SLC30A4: variants seen among roughly 807,000 people sequenced by gnomAD.
The protein encoded by SLC30A4 is probable proton-coupled zinc antiporter SLC30A4.
Under a neutral mutation model 41.7 loss-of-function variants are expected in SLC30A4, and 20 were observed. The observed-to-expected ratio is 0.48, with a 90% CI of 0.34 to 0.70. SLC30A4 has a LOEUF of 0.70. Among genes scored for constraint, SLC30A4 ranks in the 30% least tolerant of loss-of-function variants. SLC30A4 has a pLI of 0.01. For missense variants in SLC30A4, 441 were observed against 529.3 expected, an observed-to-expected ratio of 0.83 and a Z score of 1.64; for synonymous variants, 181 against 195.9, an observed-to-expected ratio of 0.92 and a Z score of 0.64.
intron 2 of SLC30A4, among the ~76,000 whole-genome samples, chr15:45,512,184 T>A (rs1231522216): frequency 6.6e-6 from 1 of 152,210 alleles, no homozygotes; most frequent in Non-Finnish European, 1.5e-5. Context: ...TGTGTCTGTA[T>A]TGTCCCATAA....
intron 3 of SLC30A4, among the ~76,000 whole-genome samples, chr15:45,507,547 G>A (rs1892188573): frequency 6.7e-6 from 1 of 148,228 alleles, no homozygotes; most frequent in Non-Finnish European, 1.5e-5. Flanking sequence ...GAGTGCAGTG[G>A]CTTGATCTTG....
intron 2 of SLC30A4, chr15:45,519,805 C>T (rs1892607605): frequency 6.6e-6 from 1 of 152,104 alleles, no homozygotes; most frequent in East Asian, 1.9e-4. Flanking sequence ...AGGGGGGATG[C>T]TGTGATTGTT....
chr15:45,494,891 G>GCT (rs1271123610), intron 3 of SLC30A4, among the ~76,000 whole-genome samples: 1 of 152,030 alleles, frequency 6.6e-6, no homozygotes, highest in Non-Finnish European at 1.5e-5. Flanking sequence ...GCACGTGGTG[G>GCT]CTCACACCTG....
At chr15:45,490,937 T>C in intron 3 of SLC30A4, 56 bp from the exon 4 acceptor site, 1 of 1,166,308 alleles carries the variant, frequency 8.6e-7, no homozygotes, top group Non-Finnish European at 1.2e-6. Flanking sequence ...CTACACTTCA[T>C]ACCAACTAAA....
chr15:45,496,873 A>ATAAG (rs1364273474), intron 3 of SLC30A4, among the ~76,000 whole-genome samples: 1 of 150,076 alleles, frequency 6.7e-6, no homozygotes, highest in Non-Finnish European at 1.5e-5. Flanking sequence ...AAATAAATAA[A>ATAAG]TAAAATAAAT....
intron 3 of SLC30A4, among the ~76,000 whole-genome samples, chr15:45,495,470 C>A (rs1426750043): frequency 1.3e-5 from 2 of 152,174 alleles, no homozygotes; most frequent in Non-Finnish European, 2.9e-5. Context: ...GTATTTCAGA[C>A]AACAAATAAT....
chr15:45,513,805 C>T (rs1452340459), intron 2 of SLC30A4: 1 of 152,170 alleles, frequency 6.6e-6, no homozygotes, highest in Non-Finnish European at 1.5e-5. Flanking sequence ...ATGCCCCATT[C>T]CCAGAGAACT....
chr15:45,483,257 T>C lies in SLC30A4; in HGVS notation c.*1906A>G, dbSNP rs1241489595. The C allele has an allele frequency of 6.6e-6, 1 of 152,212 alleles. No homozygotes were observed. The highest frequency in any genetic ancestry group is 2.4e-5 in the African/African-American group (1 of 41,440). The allele number at this position is 152,212 out of a possible 1,614,324, so 9.4% of individuals were successfully genotyped here. On this transcript the variant is annotated 3_prime_UTR_variant, in exon 8 of 8. Transcript: ENST00000261867. ...TAAGAAGATAAAATGTTTCCTATTCTTCATTTATATTGTAAGTCATCTGCA... is the reference window on the plus strand; with the variant it reads ...TAAGAAGATAAAATGTTTCCTATTCCTCATTTATATTGTAAGTCATCTGCA...
Position 45,485,133 on chromosome 15 carries a change from A to C in SLC30A4, c.*30T>G. The C allele has an allele frequency of 6.3e-7, 1 of 1,587,458 alleles. No individual in the cohort carries two copies. The highest frequency in any genetic ancestry group is 8.6e-7 in the Non-Finnish European group (1 of 1,163,372). ...TCTCAAGTCTGTGACTGCAGGATAA[A>C]TAAGGCAGGAGTTCCCAAAATACAT... is the stretch of plus-strand genomic sequence containing the variant. On this transcript the variant is annotated 3_prime_UTR_variant, in exon 8 of 8. Transcript: ENST00000261867.
Position 45,480,508 on chromosome 15 carries a change from A to G in SLC30A4, c.*4655T>C, listed in dbSNP as rs1891587235. On this transcript the variant is annotated 3_prime_UTR_variant, in exon 8 of 8. Transcript: ENST00000261867. Reference sequence around the variant, plus strand: ...GACTTGCCTCCCCTCAACATAGCATATAGTGATGGGTGTTCATTTATGACA... The same window carrying G: ...GACTTGCCTCCCCTCAACATAGCATGTAGTGATGGGTGTTCATTTATGACA... The G allele has an allele frequency of 1.3e-5, 2 of 152,244 alleles. No individual in the cohort carries two copies. The highest frequency in any genetic ancestry group is 2.9e-5 in the Non-Finnish European group (2 of 68,042). 9.4% of individuals were successfully genotyped at this position (152,244 alleles called of 1,614,324 possible). A position where few individuals can be genotyped will look rare whatever the true frequency, so the allele number is the denominator to read the frequency against.
chr15:45,514,622 C>T (rs1595531644), intron 2 of SLC30A4, among the ~76,000 whole-genome samples: 1 of 148,034 alleles, frequency 6.8e-6, no homozygotes, highest in Admixed American at 6.9e-5. Context: ...TCAAGCAATT[C>T]TCCTGCCTCA....
Position 45,499,551 on chromosome 15 carries a change from C to CAGAAGGAT in SLC30A4, c.539-8678_539-8671dup, listed in dbSNP as rs530244569. On this transcript the variant is annotated intron_variant, in intron 3 of 7. Coordinates refer to ENST00000261867, the MANE Select transcript of SLC30A4 (RefSeq NM_013309.6). ...TAGTCAATTACTTTCACCAGAAGGA[C>CAGAAGGAT]AGAAGGATAGAAGGATAGAGGCAGA... Among the ~76,000 whole-genome samples the CAGAAGGAT allele has an allele frequency of 6.8e-4, 103 of 152,242 alleles. 4 individuals are homozygous for CAGAAGGAT. The East Asian group carries it at 0.019, about 28-fold the overall frequency.
At chr15:45,517,730 C>T (rs1259096688) in intron 2 of SLC30A4, among the ~76,000 whole-genome samples, 2 of 151,904 alleles carry the variant, frequency 1.3e-5, no homozygotes, top group African/African-American at 2.4e-5. Context: ...GGACAGATCA[C>T]GAGGTCAGGA....
intron 3 of SLC30A4, among the ~76,000 whole-genome samples, chr15:45,499,294 AATCTCCTGACCTCGTG>A (rs2140828065): frequency 6.6e-6 from 1 of 151,584 alleles, no homozygotes; most frequent in Admixed American, 6.6e-5. Flanking sequence ...GGATGGTCTC[AATCTCCTGACCTCGTG>A]ATCTGCCCGC....
rs1380040597 is a variant in SLC30A4 at position 45,522,254 on chromosome 15, T to C, written c.101A>G (p.Glu34Gly). Reference protein sequence around the residue: ...NDTSAFDFSDEAGDEGLSRFN... With the variant: ...NDTSAFDFSDGAGDEGLSRFN... ...CCGAGAAAGCCCCTCGTCCCCCGCC[T>C]CATCCGAGAAGTCAAAGGCGCTGGT... Residue 34 changes from glutamate (E) to glycine (G), a missense_variant, in exon 2 of 8, where the codon GAG (glutamate) becomes GGG (glycine). By Grantham distance (98) the Glu-to-Gly change is moderately conservative. Around this residue, in one of 3 missense-constraint regions of SLC30A4, gnomAD observed 312 missense variants for 341.9 expected, o/e 0.91. Coordinates refer to ENST00000261867, the MANE Select transcript of SLC30A4 (RefSeq NM_013309.6). 2 of 1,613,928 alleles carry C rather than the reference T, an allele frequency of 1.2e-6. No homozygotes were observed. Among genetic ancestry groups the C allele is most frequent in the African/African-American group, 2.7e-5 (2 of 74,872 alleles).
At chr15:45,506,456 T>C (rs1252938971) in intron 3 of SLC30A4, among the ~76,000 whole-genome samples, 1 of 152,158 alleles carries the variant, frequency 6.6e-6, no homozygotes, top group African/African-American at 2.4e-5. Flanking sequence ...CCTACTTAAG[T>C]GTGTCCAAAT....
At position 45,517,345 on chromosome 15, in the gene SLC30A4, CT is replaced by C. The variant is rs1166130286; in HGVS notation, c.391+4618del. Among the ~76,000 whole-genome samples the C allele has an allele frequency of 8.6e-3, 563 of 65,606 alleles. 2 individuals are homozygous for C. The highest frequency in any genetic ancestry group is 0.03 in the African/African-American group (477 of 16,056). The allele number at this position is 65,606 out of a possible 152,430, so 43.0% of individuals were successfully genotyped here. On this transcript the variant is annotated intron_variant, in intron 2 of 7. Transcript: ENST00000261867. ...CCAAGAATATACCCTCCAATCCATT[CT>C]TTTTTTTTTTTTTTTTTTTTTTTTG... is the stretch of plus-strand genomic sequence containing the variant.
Position 45,521,988 on chromosome 15 carries a change from G to T in SLC30A4, c.367C>A (p.Leu123Ile). The T allele has an allele frequency of 6.2e-7, 1 of 1,613,950 alleles. No homozygotes were observed. Reference protein sequence around the residue: ...RLTIAAVLYLLFMIGELVGGY... With the variant: ...RLTIAAVLYLIFMIGELVGGY... ...CCTACAAGTTCTCCAATCATGAAAA[G>T]CAAGTACAGAACGGCAGCAATGGTC... The change falls in exon 2 of 8, where the codon CTT becomes ATT. Residue 123 changes from leucine (L) to isoleucine (I), a missense_variant. Physicochemically the swap from Leu to Ile is conservative, Grantham distance 5 (BLOSUM62 2). This residue lies in a region of SLC30A4 where 312 missense variants were observed against 341.9 expected (regional missense o/e 0.91). Coordinates refer to ENST00000261867, the MANE Select transcript of SLC30A4 (RefSeq NM_013309.6).
intron 3 of SLC30A4, among the ~76,000 whole-genome samples, chr15:45,492,198 T>C (rs1329595496): frequency 3.4e-5 from 5 of 148,510 alleles, no homozygotes; most frequent in Non-Finnish European, 7.4e-5. Flanking sequence ...CACTGTAGCA[T>C]TGTCTGTAGC....
Sources: allele counts gnomAD v4.1 joint callset (sites outside exome capture counted in the v4.1 genomes callset), GRCh38; gene constraint gnomAD v4.1.1; regional missense constraint gnomAD v4.1.1; transcripts MANE v1.5; gene names NCBI Gene and HGNC (gene_info 2026-07-23, HGNC 2026-07-21).